ANO9: variants seen among roughly 807,000 people sequenced by gnomAD.
ANO9 encodes anoctamin-9.
ANO9 carries 80 observed loss-of-function variants against 100.5 expected under a neutral mutation model. The ratio of observed to expected loss-of-function variants is 0.80; its 90% confidence interval spans 0.66 to 0.96. The LOEUF is 0.96. Ranked by LOEUF, ANO9 falls within the 40% of genes least tolerant of loss-of-function variation. ANO9 has a pLI of 0.00. For missense variants in ANO9, 1,064 were observed against 1,072.7 expected (o/e 0.99, Z 0.11); for synonymous variants, 473 against 435.6 (o/e 1.09, Z -1.07).
At chr11:437,083 C>T (rs1012020388) in intron 1 of ANO9, among the ~76,000 whole-genome samples, 1 of 105,212 alleles carries the variant, frequency 9.5e-6, no homozygotes, top group Non-Finnish European at 1.9e-5. Context: ...CCCACCTGGG[C>T]TCCATGTCCC....
intron 8 of ANO9, 29 bp from the exon 9 acceptor site, chr11:430,208 G>A (rs1408819779): frequency 7.1e-6 from 11 of 1,549,920 alleles, no homozygotes; most frequent in East Asian, 2.5e-5. Context: ...GGCTGGGGTC[G>A]GCTCCTCCAG....
intron 15 of ANO9, among the ~76,000 whole-genome samples, chr11:425,481 A>G (rs1848456645): frequency 6.6e-6 from 1 of 152,078 alleles, no homozygotes; most frequent in African/African-American, 2.4e-5. Flanking sequence ...CAGGAAAAAC[A>G]AAGAGCTGTA....
At position 418,891 on chromosome 11, in the gene ANO9, C is replaced by T; in HGVS notation, c.2033G>A (p.Cys678Tyr). The change falls in exon 21 of 23, where the codon TGC becomes TAC. Residue 678 changes from cysteine (C) to tyrosine (Y), a missense_variant. By Grantham distance (194) the Cys-to-Tyr change is radical (BLOSUM62 -2). Coordinates refer to ENST00000332826, the MANE Select transcript of ANO9 (RefSeq NM_001012302.3). ...TGGGGGATGGGGAGTTCCAAACCTG[C>T]ACAGAGTCACGTTTTCTGAGCCCTC... ...GIEGSENVTL[C>Y]RYRDYRNPPD... The T allele has an allele frequency of 6.2e-7, 1 of 1,613,564 alleles. No homozygotes were observed. The highest frequency in any genetic ancestry group is 8.5e-7 in the Non-Finnish European group (1 of 1,179,950).
intron 1 of ANO9, among the ~76,000 whole-genome samples, chr11:435,087 T>C (rs960943434): frequency 2.0e-5 from 3 of 152,126 alleles, no homozygotes; most frequent in Non-Finnish European, 4.4e-5. Context: ...TATAGTATTG[T>C]AGTGTAGTGT....
At chr11:434,915 A>G (rs752122461) in intron 1 of ANO9, among the ~76,000 whole-genome samples, 2 of 152,134 alleles carry the variant, frequency 1.3e-5, no homozygotes, top group Non-Finnish European at 2.9e-5. Flanking sequence ...TGGTCCCTGC[A>G]CCTGAGTCCC....
chr11:421,134 G>T lies in ANO9; in HGVS notation c.1392+7C>A, dbSNP rs2133679343. 1 of 1,569,970 alleles carries T rather than the reference G, an allele frequency of 6.4e-7. No homozygotes were observed. Among genetic ancestry groups the T allele is most frequent in the Non-Finnish European group, 8.7e-7 (1 of 1,152,954 alleles). ...GGGACAGGGCATGAAGCCTGGGGGT[G>T]ACTGACCTCTTCCAGCTTCCACAAG... is the stretch of plus-strand genomic sequence containing the variant. On this transcript the variant is annotated splice_region_variant and intron_variant, in intron 16 of 22. Coordinates refer to ENST00000332826, the MANE Select transcript of ANO9 (RefSeq NM_001012302.3). This position sits in a 1 kb window ranked among gnomAD's most constrained non-coding sequence, Gnocchi z 6.8.
intron 1 of ANO9, among the ~76,000 whole-genome samples, 194 bp from the exon 2 acceptor site, chr11:434,292 A>C (rs1207999639): frequency 6.6e-6 from 1 of 152,202 alleles, no homozygotes; most frequent in Non-Finnish European, 1.5e-5. Context: ...CCGACGAAGG[A>C]CTGTGGAAAC....
chr11:439,517 A>AT (rs1266266549), intron 1 of ANO9, among the ~76,000 whole-genome samples: 5 of 86,430 alleles, frequency 5.8e-5, no homozygotes, highest in African/African-American at 1.8e-4. Flanking sequence ...TGTGCATGAG[A>AT]AGGAGCAGGC....
rs376441794 is a variant in ANO9, at chr11:428,718, G to A, written c.1020+4C>T. The A allele has an allele frequency of 1.1e-4, 184 of 1,612,974 alleles. No homozygotes were observed. Among genetic ancestry groups the A allele is most frequent in the Admixed American group, 4.3e-4 (26 of 60,000 alleles). On this transcript the variant is annotated splice_donor_region_variant and intron_variant, in intron 12 of 22. Coordinates refer to ENST00000332826, the MANE Select transcript of ANO9 (RefSeq NM_001012302.3). ...CCAGCCCCACCGCGGTGTCCCCTGC[G>A]TACCATGAGCAGGGTCAGGACGAGG...
rs894587591 is a variant in ANO9, at chr11:432,270, G to A, written c.351-216C>T. 51 of 571,450 alleles carry A rather than the reference G, an allele frequency of 8.9e-5. No individual in the cohort carries two copies. The highest frequency in any genetic ancestry group is 1.1e-4 in the Non-Finnish European group (36 of 320,908). The allele number at this position is 571,450 out of a possible 1,614,324, so 35.4% of individuals were successfully genotyped here. ...CCCAGGGCCTGGCCTGCCCCACGGC[G>A]TCCAGGATGAGGCTGGGCTGGGGGC... On this transcript the variant is annotated intron_variant, in intron 4 of 22. Coordinates refer to ENST00000332826, the MANE Select transcript of ANO9 (RefSeq NM_001012302.3). The surrounding 1 kb of genome is among the most constrained non-coding windows in gnomAD (Gnocchi z 4.8).
At chr11:441,860 C>T in intron 1 of ANO9, 61 bp downstream of exon 1, 1 of 1,583,718 alleles carries the variant, frequency 6.3e-7, no homozygotes, top group East Asian at 2.3e-5. Flanking sequence ...GGCCGGGGGC[C>T]CCAGGTGTGG....
intron 1 of ANO9, among the ~76,000 whole-genome samples, chr11:435,553 AG>A (rs1849426516): frequency 3.0e-5 from 4 of 134,156 alleles, no homozygotes; most frequent in East Asian, 2.2e-4. Context: ...AGTATGGTCT[AG>A]TCTAGTCTAG....
intron 19 of ANO9, chr11:420,216 G>C: frequency 7.1e-7 from 1 of 1,411,408 alleles, no homozygotes; most frequent in Non-Finnish European, 9.2e-7. Flanking sequence ...CCCCTTGGGG[G>C]CGTCAAGCCC....
At position 418,868 on chromosome 11, in the gene ANO9, G is replaced by A. The variant is rs1848002968; in HGVS notation, c.2036+20C>T. On this transcript the variant is annotated intron_variant, in intron 21 of 22. Coordinates refer to ENST00000332826, the MANE Select transcript of ANO9 (RefSeq NM_001012302.3). ...GTCAGGAGTTCAGAGGGCATTCTTG[G>A]GGGATGGGGAGTTCCAAACCTGCAC... 2 of 1,613,610 alleles carry A rather than the reference G, an allele frequency of 1.2e-6. No individual in the cohort carries two copies. Among genetic ancestry groups the A allele is most frequent in the South Asian group, 2.2e-5 (2 of 91,080 alleles).
chr11:440,689 C>T (rs1467291247), intron 1 of ANO9: 1 of 152,484 alleles, frequency 6.6e-6, no homozygotes, highest in Non-Finnish European at 1.5e-5. Flanking sequence ...GCCACCACGC[C>T]CGGGTTCCAG....
chr11:421,741 C>T lies in ANO9; in HGVS notation c.1335-543G>A, dbSNP rs989884094. Among the ~76,000 whole-genome samples the T allele has an allele frequency of 1.3e-5, 2 of 152,198 alleles. No individual in the cohort carries two copies. Among genetic ancestry groups the T allele is most frequent in the African/African-American group, 2.4e-5 (1 of 41,440 alleles). On this transcript the variant is annotated intron_variant, in intron 15 of 22. Transcript: ENST00000332826. The surrounding 1 kb of genome is among the most constrained non-coding windows in gnomAD (Gnocchi z 6.8). The stretch of plus-strand genomic sequence containing the variant: ...TGGCCTCGGTTTCTCCCCGTGGAAA[C>T]GGCACGATGGGTTATTTTGTGTTTA...
At position 432,950 on chromosome 11, in the gene ANO9, A is replaced by G. The variant is rs754318489; in HGVS notation, c.350+364T>C. 4 of 221,300 alleles carry G rather than the reference A, an allele frequency of 1.8e-5. No individual in the cohort carries two copies. The highest frequency in any genetic ancestry group is 1.0e-4 in the East Asian group (1 of 9,830). 13.7% of individuals were successfully genotyped at this position (221,300 alleles called of 1,614,324 possible). A position where few individuals can be genotyped will look rare whatever the true frequency, so the allele number is the denominator to read the frequency against. On this transcript the variant is annotated intron_variant, in intron 4 of 22. Coordinates refer to ENST00000332826, the MANE Select transcript of ANO9 (RefSeq NM_001012302.3). This position sits in a 1 kb window ranked among gnomAD's most constrained non-coding sequence, Gnocchi z 4.8. Reference sequence around the variant, plus strand: ...CCAGGGACGGTGTCCAGGAAGGGGCATCGGAACTGGAGAGGAGGGGTCTTC... The same window carrying G: ...CCAGGGACGGTGTCCAGGAAGGGGCGTCGGAACTGGAGAGGAGGGGTCTTC...
In ANO9 at chr11:421,163, G is replaced by A. The variant is rs141775699; in HGVS notation, c.1370C>T (p.Ala457Val). Reference protein sequence around the residue: ...NGHPGKSTRLAGLWKLEECHA... With the variant: ...NGHPGKSTRLVGLWKLEECHA... ...GACCTCTTCCAGCTTCCACAAGCCC[G>A]CCAGGCGCGTGGACTTCCCGGGGTG... The change falls in exon 16 of 23, where the codon GCG becomes GTG. Residue 457 changes from alanine to valine, a missense_variant. Coordinates refer to ENST00000332826, the MANE Select transcript of ANO9 (RefSeq NM_001012302.3). The surrounding 1 kb of genome is among the most constrained non-coding windows in gnomAD (Gnocchi z 6.8). The A allele has an allele frequency of 7.0e-6, 11 of 1,565,862 alleles. No individual in the cohort carries two copies. Among genetic ancestry groups the A allele is most frequent in the South Asian group, 1.2e-5 (1 of 85,068 alleles).
rs375790467 is a variant in ANO9 at position 422,725 on chromosome 11, A to G, written c.1335-1527T>C. Among the ~76,000 whole-genome samples the G allele has an allele frequency of 7.9e-5, 12 of 152,318 alleles. No individual in the cohort carries two copies. The East Asian group carries it at 2.1e-3, about 27-fold the overall frequency. ...TTGTGGCCTGCAGAACTGGGAGGTA[A>G]TAATTTGATTGTTTGAAGCCACTAA... On this transcript the variant is annotated intron_variant, in intron 15 of 22. Transcript: ENST00000332826. The surrounding 1 kb of genome is among the most constrained non-coding windows in gnomAD (Gnocchi z 4.3).
Sources: gnomAD v4.1 joint callset for allele counts (sites outside exome capture counted in the v4.1 genomes callset) on GRCh38, gnomAD v4.1.1 for gene constraint, Gnocchi (gnomAD v3.1) non-coding constraint, MANE v1.5 for transcripts, NCBI Gene and HGNC (gene_info 2026-07-23, HGNC 2026-07-21) for gene names.